The following C1orf116 variants were observed in gnomAD, a reference collection of about 807,000 sequenced individuals.
C1orf116 encodes chromosome 1 open reading frame 116, also known as specifically androgen-regulated gene protein.
Under a neutral mutation model 14.1 loss-of-function variants are expected in C1orf116, and 12 were observed. The ratio of observed to expected loss-of-function variants is 0.85; its 90% confidence interval spans 0.54 to 1.38. The LOEUF is 1.38. Among genes scored for constraint, C1orf116 ranks in the 40% most tolerant of loss-of-function variants. The pLI is 0.00. For missense variants in C1orf116, 797 were observed against 747.0 expected, an observed-to-expected ratio of 1.07 and a Z score of -0.78; for synonymous variants, 296 against 299.0, an observed-to-expected ratio of 0.99 and a Z score of 0.10.
At position 207,022,334 on chromosome 1, in the gene C1orf116, A is replaced by G. The variant is rs868523438; in HGVS notation, c.1430T>C (p.Met477Thr). The change falls in exon 4 of 4, where the codon ATG becomes ACG. Residue 477 changes from methionine (M) to threonine (T), a missense_variant. By Grantham distance (81) the Met-to-Thr change is moderately conservative (BLOSUM62 -1). Coordinates refer to ENST00000359470, the MANE Select transcript of C1orf116 (RefSeq NM_023938.6). Reference sequence around the variant, plus strand: ...CTCCAGAGTGTTGGACTTGAAGTTCATCTGTCTCAGGCCAGGGGTGTTGCT... The same window carrying G: ...CTCCAGAGTGTTGGACTTGAAGTTCGTCTGTCTCAGGCCAGGGGTGTTGCT... ...QESNTPGLRQ[M>T]NFKSNTLERS... is the part of the protein sequence containing the mutation. 2 of 1,613,780 alleles carry G rather than the reference A, an allele frequency of 1.2e-6. No homozygotes were observed. Among genetic ancestry groups the G allele is most frequent in the Middle Eastern group, 1.6e-4 (1 of 6,062 alleles).
In C1orf116 at chr1:207,027,540, C is replaced by G. The variant is rs759650158; in HGVS notation, c.59G>C (p.Gly20Ala). The G allele has an allele frequency of 9.9e-6, 16 of 1,613,842 alleles. No individual in the cohort carries two copies. The highest frequency in any genetic ancestry group is 1.3e-5 in the Non-Finnish European group (15 of 1,180,044). The change falls in exon 2 of 4, where the codon GGC (glycine) becomes GCC (alanine). Residue 20 changes from glycine to alanine, a missense_variant. Physicochemically the swap from Gly to Ala is moderately conservative, Grantham distance 60. Coordinates refer to ENST00000359470, the MANE Select transcript of C1orf116 (RefSeq NM_023938.6). ...GCTGCTCATCATGCTGTCACAGCTG[C>G]CGACACGGGTCACGGGTTCTGAGCC... ...GTGSEPVTRV[G>A]SCDSMMSSTS...
In C1orf116 at chr1:207,022,811, G is replaced by A. The variant is rs767834591; in HGVS notation, c.953C>T (p.Pro318Leu). The change falls in exon 4 of 4, where the codon CCC (proline) becomes CTC (leucine). Residue 318 changes from proline (P) to leucine (L), a missense_variant. By Grantham distance (98) the Pro-to-Leu change is moderately conservative (BLOSUM62 -3). Coordinates refer to ENST00000359470, the MANE Select transcript of C1orf116 (RefSeq NM_023938.6). ...KSSRSSFHSDPQHWLSRHTEA... is the reference protein window; with the variant it reads ...KSSRSSFHSDLQHWLSRHTEA... Reference sequence around the variant, plus strand: ...AGTGTGGCGGGACAGCCAGTGCTGGGGGTCACTGTGGAAACTGCTTCGGCT... The same window carrying A: ...AGTGTGGCGGGACAGCCAGTGCTGGAGGTCACTGTGGAAACTGCTTCGGCT... The A allele has an allele frequency of 1.1e-4, 173 of 1,613,962 alleles. 1 individual carries two copies. The highest frequency in any genetic ancestry group is 5.8e-4 in the Admixed American group (35 of 60,014).
At position 207,032,142 on chromosome 1, in the gene C1orf116, C is replaced by T. The variant is rs573068360; in HGVS notation, c.-82+437G>A. On this transcript the variant is annotated intron_variant, in intron 1 of 3. Transcript: ENST00000359470. ...CCATTATTTAAATAAAGATCGACAC[C>T]GAGTTGGTAAAGCCACGGGAGAATT... Among the ~76,000 whole-genome samples the T allele has an allele frequency of 3.9e-5, 6 of 152,228 alleles. No individual in the cohort carries two copies. In the South Asian group the frequency reaches 8.3e-4, roughly 21 times the overall value.
At position 207,026,932 on chromosome 1, in the gene C1orf116, T is replaced by C. The variant is rs888157093; in HGVS notation, c.105+562A>G. Among the ~76,000 whole-genome samples the C allele has an allele frequency of 6.6e-5, 10 of 152,374 alleles. No individual in the cohort carries two copies. In the South Asian group the frequency reaches 8.3e-4, roughly 13 times the overall value. ...AGAGGCATATGCTAGGTGCTTTACC[T>C]GTATCACATTTACTCCCCACAAATT... is the stretch of plus-strand genomic sequence containing the variant. On this transcript the variant is annotated intron_variant, in intron 2 of 3. Transcript: ENST00000359470.
rs370566035 is a variant in C1orf116 at position 207,028,040 on chromosome 1, A to G, written c.-81-361T>C. Among the ~76,000 whole-genome samples, 132 of 152,366 alleles carry G rather than the reference A, an allele frequency of 8.7e-4. 3 individuals carry two copies. The South Asian group carries it at 0.026, about 30-fold the overall frequency. ...TTAGTTGGGTCTGGGCTCAAATCCC[A>G]GTTTAGCCATTTACAGTTATGTGAC... On this transcript the variant is annotated intron_variant, in intron 1 of 3. Coordinates refer to ENST00000359470, the MANE Select transcript of C1orf116 (RefSeq NM_023938.6).
rs561535724 is a variant in C1orf116 at position 207,030,251 on chromosome 1, C to T, written c.-82+2328G>A. Among the ~76,000 whole-genome samples the T allele has an allele frequency of 2.0e-5, 3 of 152,296 alleles. No homozygotes were observed. In the South Asian group the frequency reaches 6.2e-4, roughly 32 times the overall value. On this transcript the variant is annotated intron_variant, in intron 1 of 3. Transcript: ENST00000359470. Reference sequence around the variant, plus strand: ...GTTATGGCTCTTACCACTAGCCCTTCCTAAGGGAAACAGGGAATGACCTAT... The same window carrying T: ...GTTATGGCTCTTACCACTAGCCCTTTCTAAGGGAAACAGGGAATGACCTAT...
At chr1:207,032,105 C>A (rs1213668434) in intron 1 of C1orf116, among the ~76,000 whole-genome samples, 1 of 152,142 alleles carries the variant, frequency 6.6e-6, no homozygotes, top group Non-Finnish European at 1.5e-5. Flanking sequence ...CAAACACACA[C>A]ACACATTGCA....
At chr1:207,024,770 C>A in intron 3 of C1orf116, 117 bp downstream of exon 3, 3 of 1,293,990 alleles carry the variant, frequency 2.3e-6, no homozygotes, top group Non-Finnish European at 1.1e-6. Flanking sequence ...AGTGTGGCTA[C>A]ACCTTCTTCT....
chr1:207,023,676 T>A (rs1473032594), intron 3 of C1orf116, among the ~76,000 whole-genome samples, 196 bp from the exon 4 acceptor site: 1 of 152,156 alleles, frequency 6.6e-6, no homozygotes, highest in Non-Finnish European at 1.5e-5. Flanking sequence ...GACTAATAGA[T>A]CAGTAATAGC....
At chr1:207,025,151 A>C in intron 2 of C1orf116, 87 bp from the exon 3 acceptor site, 3 of 1,029,646 alleles carry the variant, frequency 2.9e-6, no homozygotes, top group Non-Finnish European at 4.3e-6. Context: ...AGCTGTGAGA[A>C]AGCGCTCCCT....
chr1:207,032,266 G>T (rs1682270168), intron 1 of C1orf116, among the ~76,000 whole-genome samples: 1 of 152,200 alleles, frequency 6.6e-6, no homozygotes, highest in South Asian at 2.1e-4. Context: ...AATTTCAATT[G>T]TTCAGAGATG....
Position 207,022,160 on chromosome 1 carries a change from G to C in C1orf116, c.1604C>G (p.Thr535Arg), listed in dbSNP as rs562853562. The change falls in exon 4 of 4, where the codon ACG becomes AGG. Residue 535 changes from threonine (T) to arginine (R), a missense_variant. By Grantham distance (71) the Thr-to-Arg change is moderately conservative (BLOSUM62 -1). Transcript: ENST00000359470. ...NSRPRPASLG[T>R]GKDFAGIQVG... ...CTGGATACCTGCAAAATCTTTCCCCGTGCCCAGGGAGGCCGGGCGGGGCCG... is the reference window on the plus strand; with the variant it reads ...CTGGATACCTGCAAAATCTTTCCCCCTGCCCAGGGAGGCCGGGCGGGGCCG... The C allele has an allele frequency of 8.1e-6, 13 of 1,613,394 alleles. No individual in the cohort carries two copies. In the East Asian group the frequency reaches 8.9e-5, roughly 11 times the overall value.
rs144080708 is a variant in C1orf116, at chr1:207,027,546, C to A, written c.53G>T (p.Arg18Leu). 6.2e-7 allele frequency: 1 copy of A among 1,613,800 alleles called. No individual in the cohort carries two copies. Among genetic ancestry groups the A allele is most frequent in the South Asian group, 1.1e-5 (1 of 91,088 alleles). The change falls in exon 2 of 4, where the codon CGT becomes CTT. Residue 18 changes from arginine to leucine, a missense_variant. Coordinates refer to ENST00000359470, the MANE Select transcript of C1orf116 (RefSeq NM_023938.6). ...CATCATGCTGTCACAGCTGCCGACA[C>A]GGGTCACGGGTTCTGAGCCAGTCCC... ...PAGTGSEPVTRVGSCDSMMSS... is the reference protein window; with the variant it reads ...PAGTGSEPVTLVGSCDSMMSS...
rs763098804 is a variant in C1orf116, at chr1:207,022,178, C to T, written c.1586G>A (p.Arg529His). Residue 529 changes from arginine to histidine, a missense_variant, in exon 4 of 4, where the codon CGC (arginine) becomes CAC (histidine). Coordinates refer to ENST00000359470, the MANE Select transcript of C1orf116 (RefSeq NM_023938.6). ...SPSVLRNSRP[R>H]PASLGTGKDF... ...TTTCCCCGTGCCCAGGGAGGCCGGG[C>T]GGGGCCGAGAATTACGTAAGACACT... is the stretch of plus-strand genomic sequence containing the variant. 7.4e-6 allele frequency: 12 copies of T among 1,613,476 alleles called. No homozygotes were observed. The highest frequency in any genetic ancestry group is 1.1e-5 in the South Asian group (1 of 91,066).
chr1:207,024,851 T>C, intron 3 of C1orf116, 36 bp downstream of exon 3: 2 of 1,592,672 alleles, frequency 1.3e-6, no homozygotes, highest in Non-Finnish European at 1.7e-6. Context: ...ATTTTCTGGG[T>C]TTTGCTGGGG....
Position 207,022,224 on chromosome 1 carries a change from A to C in C1orf116, c.1540T>G (p.Phe514Val). The C allele has an allele frequency of 6.2e-7, 1 of 1,614,072 alleles. No homozygotes were observed. The highest frequency in any genetic ancestry group is 1.1e-5 in the South Asian group (1 of 91,050). ...ACACTGGGCGAGATCTTGTCCAAGA[A>C]GGAGCCCTTTCCCAGAGAAGTGCTG... ...KTSTSLGKGS[F>V]LDKISPSVLR... The change falls in exon 4 of 4, where the codon TTC (phenylalanine) becomes GTC (valine). Residue 514 changes from phenylalanine (F) to valine (V), a missense_variant. Phe to Val is a conservative substitution (Grantham distance 50). Coordinates refer to ENST00000359470, the MANE Select transcript of C1orf116 (RefSeq NM_023938.6).
Position 207,023,151 on chromosome 1 carries a change from G to A in C1orf116, c.613C>T (p.Arg205Trp), listed in dbSNP as rs140606489. ...VVLIPPPEAF[R>W]DTQPEQCREA... ...CTACACTGCTCTGGCTGGGTGTCCC[G>A]GAAAGCTTCTGGCGGAGGGATGAGC... is the stretch of plus-strand genomic sequence containing the variant. The change falls in exon 4 of 4, where the codon CGG becomes TGG. Residue 205 changes from arginine (R) to tryptophan (W), a missense_variant. Physicochemically the swap from Arg to Trp is moderately radical, Grantham distance 101. Transcript: ENST00000359470. The A allele has an allele frequency of 5.2e-5, 83 of 1,611,554 alleles. No homozygotes were observed. Among genetic ancestry groups the A allele is most frequent in the South Asian group, 3.4e-4 (31 of 90,924 alleles).
Position 207,022,045 on chromosome 1 carries a change from G to T in C1orf116, c.1719C>A (p.Pro573=). 1 of 1,600,406 alleles carries T rather than the reference G, an allele frequency of 6.2e-7. No homozygotes were observed. The highest frequency in any genetic ancestry group is 8.5e-7 in the Non-Finnish European group (1 of 1,173,756). The stretch of plus-strand genomic sequence containing the variant: ...TTGGGGAGATCTTGACACTGACACA[G>T]GGGGGGCGAGGAAGCTTGTCACGGC... ...GQSRDKLPRP[P]CVSVKISPKG... is the part of the protein sequence containing the mutation. Residue 573 remains proline (P), a synonymous_variant, in exon 4 of 4, where the codon CCC becomes CCA. Transcript: ENST00000359470.
In C1orf116 at chr1:207,020,706, A is replaced by C. The variant is rs1177685009; in HGVS notation, c.*1252T>G. The stretch of plus-strand genomic sequence containing the variant: ...CACAGCAATAACTATTAGTTTGAAC[A>C]ATATTTAATCTCTGATGCTTCAGAA... On this transcript the variant is annotated 3_prime_UTR_variant, in exon 4 of 4. Coordinates refer to ENST00000359470, the MANE Select transcript of C1orf116 (RefSeq NM_023938.6). The C allele has an allele frequency of 6.6e-6, 1 of 152,218 alleles. No individual in the cohort carries two copies. Among genetic ancestry groups the C allele is most frequent in the Non-Finnish European group, 1.5e-5 (1 of 68,042 alleles). The allele number at this position is 152,218 out of a possible 1,614,324, so 9.4% of individuals were successfully genotyped here.
Sources: allele counts gnomAD v4.1 joint callset (sites outside exome capture counted in the v4.1 genomes callset), GRCh38; gene constraint gnomAD v4.1.1; transcripts MANE v1.5; gene names NCBI Gene and HGNC (gene_info 2026-07-23, HGNC 2026-07-21).